The following ING5 variants were observed in gnomAD, a reference collection of about 807,000 sequenced individuals.
ING5 encodes the protein inhibitor of growth protein 5.
A neutral mutation model predicts 37.4 loss-of-function variants in ING5; 17 were observed. The ratio of observed to expected loss-of-function variants is 0.45; its 90% confidence interval spans 0.31 to 0.68. ING5 has a LOEUF of 0.68. Ranked by LOEUF, ING5 falls within the 30% of genes least tolerant of loss-of-function variation. The pLI is 0.05. For synonymous variants in ING5, 123 were observed against 116.6 expected, an observed-to-expected ratio of 1.06 and a Z score of -0.36; for missense variants, 233 against 311.9, an observed-to-expected ratio of 0.75 and a Z score of 1.91.
intron 5 of ING5, chr2:241,721,265 G>T: frequency 3.0e-6 from 3 of 985,486 alleles, no homozygotes; most frequent in Non-Finnish European, 3.6e-6. Context: ...GCTGTCAGAG[G>T]AGAGACCCGA....
upstream of ING5, chr2:241,702,007 C>T (rs1026121215): frequency 7.1e-6 from 9 of 1,266,328 alleles, no homozygotes; most frequent in East Asian, 6.8e-5. Flanking sequence ...CACCGCCCCG[C>T]CCCCGCCTCC....
chr2:241,716,281 CTTTTT>C (rs11332132), intron 5 of ING5, among the ~76,000 whole-genome samples: 1 of 73,662 alleles, frequency 1.4e-5, no homozygotes, highest in Non-Finnish European at 2.4e-5. Flanking sequence ...ATTAGCCATG[CTTTTT>C]TTTTTTTTTT....
intron 3 of ING5, among the ~76,000 whole-genome samples, chr2:241,709,692 C>T (rs111389425): frequency 0.037 from 5,591 of 151,826 alleles, 447 homozygotes; most frequent in East Asian, 0.3. Flanking sequence ...GTGCAACCTC[C>T]GCCTCCTAGG....
In ING5 at chr2:241,693,233, C is replaced by T. The variant is rs1575114257; in HGVS notation, c.43+2580C>T. On this transcript the variant is annotated intron_variant, in intron 2 of 7. Coordinates refer to the ING5 transcript ENST00000636051. The stretch of plus-strand genomic sequence containing the variant: ...TCGCCCTATTGCACTCCAGCCTGGG[C>T]GACAGGGCGAGACTGTCTCAAAAAA... Among the ~76,000 whole-genome samples the T allele has an allele frequency of 4.6e-5, 6 of 131,672 alleles. 1 individual carries two copies. The highest frequency in any genetic ancestry group is 1.5e-4 in the African/African-American group (5 of 33,650). 86.4% of individuals were successfully genotyped at this position (131,672 alleles called of 152,430 possible).
chr2:241,697,252 G>A (rs2069643872), upstream of ING5, among the ~76,000 whole-genome samples: 1 of 151,850 alleles, frequency 6.6e-6, no homozygotes, highest in East Asian at 1.9e-4. Context: ...TGGCTAACAC[G>A]GTGAAACCCC....
chr2:241,710,770 C>T (rs1444394978), intron 3 of ING5, among the ~76,000 whole-genome samples: 2 of 152,126 alleles, frequency 1.3e-5, no homozygotes, highest in East Asian at 3.8e-4. Flanking sequence ...AGGTATGAGC[C>T]ACCGTGCCTG....
intron 5 of ING5, chr2:241,719,986 G>T: frequency 7.9e-7 from 1 of 1,258,102 alleles, no homozygotes; most frequent in Non-Finnish European, 1.0e-6. Context: ...TGGCAGTGCT[G>T]CTCCTGTCCC....
At chr2:241,721,535 A>G in intron 5 of ING5, 1 of 985,458 alleles carries the variant, frequency 1.0e-6, no homozygotes, top group Non-Finnish European at 1.2e-6. Flanking sequence ...AAAGCTTTAG[A>G]CAGGTATCCA....
At chr2:241,716,467 G>A (rs1290698180) in intron 5 of ING5, among the ~76,000 whole-genome samples, 1 of 148,870 alleles carries the variant, frequency 6.7e-6, no homozygotes, top group African/African-American at 2.4e-5. Flanking sequence ...TAATGTTTTT[G>A]TATTTTTAGT....
intron 5 of ING5, chr2:241,720,241 C>T: frequency 8.1e-7 from 1 of 1,231,426 alleles, no homozygotes; most frequent in Non-Finnish European, 1.0e-6. Flanking sequence ...CTCTGGAGTT[C>T]TGTGGTGCGC....
At position 241,725,260 on chromosome 2, in the gene ING5, C is replaced by T; in HGVS notation, c.*229C>T. ...ACCTCAGTGTGGCTTTTACAGGACT[C>T]CCCCCGAGCATCAGCAGGGACCCCG... On this transcript the variant is annotated 3_prime_UTR_variant, in exon 8 of 8. Coordinates refer to ENST00000313552, the MANE Select transcript of ING5 (RefSeq NM_032329.6). The T allele has an allele frequency of 3.6e-6, 2 of 553,000 alleles. No homozygotes were observed. Among genetic ancestry groups the T allele is most frequent in the East Asian group, 3.1e-5 (1 of 31,886 alleles). The allele number at this position is 553,000 out of a possible 1,614,324, so 34.3% of individuals were successfully genotyped here.
chr2:241,690,959 C>T (rs1388654838), intron 2 of ING5, among the ~76,000 whole-genome samples: 1 of 151,574 alleles, frequency 6.6e-6, no homozygotes, highest in East Asian at 2.0e-4. Context: ...AGGCGCCCGC[C>T]ACAACACCCG....
At chr2:241,711,346 T>G in intron 3 of ING5, 31 bp from the exon 4 acceptor site, 1 of 1,447,678 alleles carries the variant, frequency 6.9e-7, no homozygotes, top group Non-Finnish European at 9.2e-7. Context: ...TGGTTTTACT[T>G]TAAAATAAGA....
upstream of ING5, among the ~76,000 whole-genome samples, chr2:241,699,311 C>T (rs2069679822): frequency 6.6e-6 from 1 of 152,226 alleles, no homozygotes; most frequent in African/African-American, 2.4e-5. Context: ...AGGCGTGAGC[C>T]ACCATGCCTG....
chr2:241,711,206 A>C (rs1328026974), intron 3 of ING5, among the ~76,000 whole-genome samples, 171 bp from the exon 4 acceptor site: 2 of 152,228 alleles, frequency 1.3e-5, no homozygotes, highest in Non-Finnish European at 2.9e-5. Context: ...GAAAAAGCAC[A>C]AGACCCTTGC....
chr2:241,717,559 A>T (rs1400900353), intron 5 of ING5, among the ~76,000 whole-genome samples: 1 of 152,110 alleles, frequency 6.6e-6, no homozygotes, highest in Non-Finnish European at 1.5e-5. Context: ...TGTTTCTCTG[A>T]AAATGCTTTT....
At chr2:241,712,232 C>T (rs1357083812) in intron 5 of ING5, 161 bp downstream of exon 5, 44 of 615,908 alleles carry the variant, frequency 7.1e-5, no homozygotes, top group South Asian at 6.4e-4. Context: ...CTGTCCTCAC[C>T]GCAGCCTTTG....
intron 2 of ING5, among the ~76,000 whole-genome samples, chr2:241,693,227 C>T (rs1449954628): frequency 1.4e-5 from 2 of 142,924 alleles, no homozygotes; most frequent in South Asian, 2.3e-4. Flanking sequence ...TGCACTCCAG[C>T]CTGGGCGACA....
At chr2:241,689,762 A>C (rs926976191) in intron 1 of ING5, 1 of 152,250 alleles carries the variant, frequency 6.6e-6, no homozygotes, top group African/African-American at 2.4e-5. Flanking sequence ...ATTCCCTTAC[A>C]TAGATAAGTA....
Sources: gnomAD v4.1 joint callset for allele counts (sites outside exome capture counted in the v4.1 genomes callset) on GRCh38, gnomAD v4.1.1 for gene constraint, MANE v1.5 for transcripts, NCBI Gene and HGNC (gene_info 2026-07-23, HGNC 2026-07-21) for gene names.